The following RABGAP1L variants were observed in gnomAD, a reference collection of about 807,000 sequenced individuals.
The protein encoded by RABGAP1L is RAB GTPase activating protein 1 like, also known as rab GTPase-activating protein 1-like.
In RABGAP1L, 63 loss-of-function variants were observed where a neutral mutation model predicts 137.7. The observed-to-expected ratio is 0.46, with a 90% CI of 0.37 to 0.56. The LOEUF is 0.56. RABGAP1L is among the 20% of genes least tolerant of loss of function. The probability of loss-of-function intolerance (pLI) is 0.00; values close to 1 mark genes in which losing one functional copy is unlikely to be tolerated. For missense variants in RABGAP1L, 1,095 were observed against 1,244.0 expected, an observed-to-expected ratio of 0.88 and a Z score of 1.80; for synonymous variants, 431 against 433.7, an observed-to-expected ratio of 0.99 and a Z score of 0.08.
At chr1:174,375,440 A>G (rs1263720719) in intron 12 of RABGAP1L, among the ~76,000 whole-genome samples, 2 of 152,068 alleles carry the variant, frequency 1.3e-5, no homozygotes, top group Non-Finnish European at 2.9e-5. Flanking sequence ...AAAGATTAAT[A>G]TGTTTGATAA....
At chr1:174,561,027 C>T (rs560290678) in intron 13 of RABGAP1L, among the ~76,000 whole-genome samples, 4 of 152,250 alleles carry the variant, frequency 2.6e-5, no homozygotes, top group African/African-American at 9.6e-5. Context: ...GGTGAACAAA[C>T]AAGGCCCTGA....
At chr1:174,945,949 T>G (rs1666665642) in intron 19 of RABGAP1L, 1 of 152,112 alleles carries the variant, frequency 6.6e-6, no homozygotes, top group Non-Finnish European at 1.5e-5. Flanking sequence ...TAAGACTTTA[T>G]GGAATTTTAA....
At chr1:174,486,166 G>A (rs1046576137) in intron 13 of RABGAP1L, among the ~76,000 whole-genome samples, 1 of 149,834 alleles carries the variant, frequency 6.7e-6, no homozygotes, top group African/African-American at 2.5e-5. Flanking sequence ...AACATCTACA[G>A]CATCAGTTGT....
intron 13 of RABGAP1L, among the ~76,000 whole-genome samples, chr1:174,454,124 A>G (rs1655762811): frequency 6.6e-6 from 1 of 152,066 alleles, no homozygotes; most frequent in African/African-American, 2.4e-5. Context: ...TTAGCTGGGT[A>G]TGGTGACATG....
chr1:174,847,734 T>C (rs1054492746), intron 19 of RABGAP1L, among the ~76,000 whole-genome samples: 1 of 122,768 alleles, frequency 8.1e-6, no homozygotes, highest in Non-Finnish European at 1.7e-5. Context: ...AGGATTATCT[T>C]TGTGGCGTTC....
intron 18 of RABGAP1L, among the ~76,000 whole-genome samples, chr1:174,753,793 T>C (rs1045846606): frequency 1.3e-5 from 2 of 152,192 alleles, no homozygotes; most frequent in Non-Finnish European, 2.9e-5. Context: ...AAACATAAAG[T>C]AAGTATAAGG....
At chr1:174,862,420 G>T (rs942803592) in intron 19 of RABGAP1L, among the ~76,000 whole-genome samples, 1 of 152,042 alleles carries the variant, frequency 6.6e-6, no homozygotes, top group African/African-American at 2.4e-5. Flanking sequence ...AGTAATTGGG[G>T]CATTGGATCA....
Position 174,614,055 on chromosome 1 carries a change from A to C in RABGAP1L, c.1711-23320A>C, listed in dbSNP as rs189069355. On this transcript the variant is annotated intron_variant, in intron 13 of 25. Coordinates refer to ENST00000681986, the MANE Select transcript of RABGAP1L (RefSeq NM_001366446.1). The stretch of plus-strand genomic sequence containing the variant: ...TTTAATTGGAGCATTTATTCCATTT[A>C]CATGTAAAGTTAATATTGTTATGTG... Among the ~76,000 whole-genome samples the C allele has an allele frequency of 2.0e-5, 3 of 152,324 alleles. No individual in the cohort carries two copies. In the East Asian group the frequency reaches 5.8e-4, roughly 29 times the overall value.
At chr1:174,344,787 A>G (rs1381447112) in intron 11 of RABGAP1L, among the ~76,000 whole-genome samples, 1 of 152,138 alleles carries the variant, frequency 6.6e-6, no homozygotes, top group Non-Finnish European at 1.5e-5. Flanking sequence ...AAGCTTTTTA[A>G]CTTGATGTGA....
At chr1:174,596,006 G>C (rs1012818592) in intron 13 of RABGAP1L, among the ~76,000 whole-genome samples, 1 of 104,010 alleles carries the variant, frequency 9.6e-6, no homozygotes, top group Non-Finnish European at 1.8e-5. Context: ...CAATCAGCGA[G>C]ATTCCGTGGG....
intron 19 of RABGAP1L, among the ~76,000 whole-genome samples, chr1:174,942,242 A>G (rs1666011026): frequency 6.6e-6 from 1 of 152,194 alleles, no homozygotes; most frequent in Non-Finnish European, 1.5e-5. Flanking sequence ...AGAAACTCAT[A>G]CCTAAATGTA....
intron 13 of RABGAP1L, among the ~76,000 whole-genome samples, chr1:174,586,367 A>G (rs1229171290): frequency 3.3e-5 from 5 of 151,866 alleles, no homozygotes; most frequent in Non-Finnish European, 5.9e-5. Context: ...AGGGAGGGCA[A>G]CAATACACAC....
intron 17 of RABGAP1L, among the ~76,000 whole-genome samples, chr1:174,728,274 C>T (rs1465714218): frequency 1.3e-5 from 2 of 152,060 alleles, no homozygotes; most frequent in Admixed American, 6.6e-5. Flanking sequence ...ACTTCAGTAA[C>T]GTTTCAGGTT....
chr1:174,967,167 C>CT lies in RABGAP1L; in HGVS notation c.2434-2096dup, dbSNP rs538764662. Among the ~76,000 whole-genome samples, 493 of 139,730 alleles carry CT rather than the reference C, an allele frequency of 3.5e-3. 1 individual carries two copies. Among genetic ancestry groups the CT allele is most frequent in the Middle Eastern group, 0.012 (3 of 260 alleles). The allele number at this position is 139,730 out of a possible 152,430, so 91.7% of individuals were successfully genotyped here. A position where few individuals can be genotyped will look rare whatever the true frequency, so the allele number is the denominator to read the frequency against. ...TCCTGTTATTATATTTTCTTTCTTT[C>CT]TTTTTTTTTTTTTTGACACAGGTTC... On this transcript the variant is annotated intron_variant, in intron 20 of 25. Coordinates refer to ENST00000681986, the MANE Select transcript of RABGAP1L (RefSeq NM_001366446.1).
intron 14 of RABGAP1L, among the ~76,000 whole-genome samples, chr1:174,640,785 A>G (rs947534959): frequency 4.0e-5 from 6 of 151,852 alleles, no homozygotes; most frequent in Non-Finnish European, 7.4e-5. Flanking sequence ...CACCTTTAGT[A>G]TAGCGTTCAA....
Position 174,205,949 on chromosome 1 carries a change from A to G in RABGAP1L, c.-33-13176A>G, listed in dbSNP as rs143049659. Among the ~76,000 whole-genome samples, 113 of 152,330 alleles carry G rather than the reference A, an allele frequency of 7.4e-4. 1 individual carries two copies. The highest frequency in any genetic ancestry group is 2.3e-3 in the African/African-American group (95 of 41,580). On this transcript the variant is annotated intron_variant, in intron 1 of 25. Transcript: ENST00000681986. ...TTTATTAAGACTGAGGATGGGGACA[A>G]TTGGAGCTAGGCCTCAGGAATGACT...
intron 13 of RABGAP1L, among the ~76,000 whole-genome samples, chr1:174,522,059 A>G (rs1663445004): frequency 7.4e-6 from 1 of 135,530 alleles, no homozygotes; most frequent in African/African-American, 3.3e-5. Context: ...AGCTTGGACA[A>G]CAGAGCGAGA....
intron 1 of RABGAP1L, among the ~76,000 whole-genome samples, chr1:174,168,443 CATTT>C (rs953520296): frequency 6.6e-6 from 1 of 151,912 alleles, no homozygotes; most frequent in Non-Finnish European, 1.5e-5. Context: ...AGACCTCATT[CATTT>C]ATTATTGCTT....
intron 13 of RABGAP1L, among the ~76,000 whole-genome samples, chr1:174,557,981 T>G (rs1472309381): frequency 1.3e-5 from 2 of 152,214 alleles, no homozygotes; most frequent in African/African-American, 4.8e-5. Flanking sequence ...AGCTTAATCC[T>G]TGTATTTTAA....
Sources: allele counts gnomAD v4.1 joint callset (sites outside exome capture counted in the v4.1 genomes callset), GRCh38; gene constraint gnomAD v4.1.1; transcripts MANE v1.5; gene names NCBI Gene and HGNC (gene_info 2026-07-23, HGNC 2026-07-21).